The following TAGLN variants were observed in gnomAD, a reference collection of about 807,000 sequenced individuals.
The protein encoded by TAGLN is 22 kDa actin-binding protein.
Under a neutral mutation model 21.9 loss-of-function variants are expected in TAGLN, and 16 were observed. The ratio of observed to expected loss-of-function variants is 0.73; its 90% CI spans 0.49 to 1.11. The LOEUF is 1.11. Ranked by LOEUF, TAGLN falls within the 50% of genes least tolerant of loss-of-function variation. TAGLN has a pLI of 0.00. For synonymous variants in TAGLN, 96 were observed against 94.9 expected, an observed-to-expected ratio of 1.01 and a Z score of -0.06; for missense variants, 248 against 263.2, an observed-to-expected ratio of 0.94 and a Z score of 0.40.
chr11:117,203,246 G>T lies in TAGLN; in HGVS notation c.180+53G>T. On this transcript the variant is annotated intron_variant, in intron 2 of 4. Coordinates refer to ENST00000392951, the MANE Select transcript of TAGLN (RefSeq NM_003186.5). The surrounding 1 kb of genome is among the most constrained non-coding windows in gnomAD (Gnocchi z 4.4). ...GGGGGGCTGGGGTGTGCCACCCTGT[G>T]AGTCCTGGGCCAATCCCTGAGCTGA... 1 of 1,599,274 alleles carries T rather than the reference G, an allele frequency of 6.3e-7. No homozygotes were observed. Among genetic ancestry groups the T allele is most frequent in the Non-Finnish European group, 8.6e-7 (1 of 1,168,876 alleles).
rs993230430 is a variant in TAGLN at position 117,202,912 on chromosome 11, GCA to G, written c.-12-87_-12-86del. Reference sequence around the variant, plus strand: ...AGTGTCTAGGATGGCCGGGTATCCTGCACAGAGCTAGAAGGCTGCCTGGCACG... The same window carrying G: ...AGTGTCTAGGATGGCCGGGTATCCTGCAGAGCTAGAAGGCTGCCTGGCACG... On this transcript the variant is annotated intron_variant, in intron 1 of 4. Transcript: ENST00000392951. The G allele has an allele frequency of 2.4e-6, 3 of 1,270,082 alleles. No individual in the cohort carries two copies. In the African/African-American group the frequency reaches 4.5e-5, roughly 19 times the overall value. 78.7% of individuals were successfully genotyped at this position (1,270,082 alleles called of 1,614,324 possible). A position where few individuals can be genotyped will look rare whatever the true frequency, so the allele number is the denominator to read the frequency against.
chr11:117,204,331 A>G lies in TAGLN; in HGVS notation c.578A>G (p.Tyr193Cys). 1.2e-6 allele frequency: 2 copies of G among 1,614,246 alleles called. No homozygotes were observed. The highest frequency in any genetic ancestry group is 2.2e-5 in the East Asian group (1 of 44,880). ...RGASQAGMTG[Y>C]GRPRQIIS The stretch of plus-strand genomic sequence containing the variant: ...GCCTCCCAGGCCGGCATGACAGGCT[A>G]CGGACGACCTCGGCAGATCATCAGT... Residue 193 changes from tyrosine (Y) to cysteine (C), a missense_variant, in exon 5 of 5, where the codon TAC (tyrosine) becomes TGC (cysteine). By Grantham distance (194) the Tyr-to-Cys change is radical. Transcript: ENST00000392951.
In TAGLN at chr11:117,203,632, C is replaced by T. The variant is rs746084466; in HGVS notation, c.358+148C>T. ...TATGCCGAGAATAACACGCCACGCT[C>T]ACAGGGCCCACTGAGAGGCCTCCCT... On this transcript the variant is annotated intron_variant, in intron 3 of 4. Transcript: ENST00000392951. This position sits in a 1 kb window ranked among gnomAD's most constrained non-coding sequence, Gnocchi z 4.4. 8.9e-6 allele frequency: 11 copies of T among 1,240,570 alleles called. No homozygotes were observed. Among genetic ancestry groups the T allele is most frequent in the African/African-American group, 6.0e-5 (4 of 66,940 alleles). 76.8% of individuals were successfully genotyped at this position (1,240,570 alleles called of 1,614,324 possible). A position where few individuals can be genotyped will look rare whatever the true frequency, so the allele number is the denominator to read the frequency against.
chr11:117,204,295 G>A lies in TAGLN; in HGVS notation c.542G>A (p.Ser181Asn), dbSNP rs754841045. ...GKHVIGLQMG[S>N]NRGASQAGMT... ...CATGTCATTGGCCTTCAGATGGGCA[G>A]CAACAGAGGGGCCTCCCAGGCCGGC... Residue 181 changes from serine to asparagine, a missense_variant, in exon 5 of 5, where the codon AGC becomes AAC. By Grantham distance (46) the Ser-to-Asn change is conservative (BLOSUM62 1). Coordinates refer to ENST00000392951, the MANE Select transcript of TAGLN (RefSeq NM_003186.5). 6 of 1,614,146 alleles carry A rather than the reference G, an allele frequency of 3.7e-6. No individual in the cohort carries two copies. The highest frequency in any genetic ancestry group is 5.1e-6 in the Non-Finnish European group (6 of 1,180,052).
In TAGLN at chr11:117,203,002, C is replaced by T; in HGVS notation, c.-12C>T. On this transcript the variant is annotated splice_region_variant and 5_prime_UTR_variant, in exon 2 of 5. Transcript: ENST00000392951. This position sits in a 1 kb window ranked among gnomAD's most constrained non-coding sequence, Gnocchi z 4.4. ...CCTCCTCCACCCTGGCCTGCTTTAG[C>T]TTTCCCCAGACATGGCCAACAAGGG... 6.5e-7 allele frequency: 1 copy of T among 1,545,990 alleles called. No homozygotes were observed. Among genetic ancestry groups the T allele is most frequent in the Non-Finnish European group, 8.7e-7 (1 of 1,145,248 alleles).
chr11:117,200,971 G>A lies in TAGLN; in HGVS notation c.-13+1539G>A, dbSNP rs538006235. On this transcript the variant is annotated intron_variant, in intron 1 of 4. Transcript: ENST00000392951. ...ATGGTGGTGCAAAGGCTGAGACAGA[G>A]GCTGGGGTGGATGGAAGCCAGGATG... 2.6e-5 allele frequency among the ~76,000 whole-genome samples: 4 copies of A among 152,268 alleles called. No individual in the cohort carries two copies. In the South Asian group the frequency reaches 8.3e-4, roughly 32 times the overall value.
chr11:117,205,620 T>C lies in TAGLN; in HGVS notation c.*1261T>C, dbSNP rs78301905. ...CCAAGTGACCCCAGTGATGTTTCCA[T>C]TGAGATGCGCTCCTGGCTATGGCAG... On this transcript the variant is annotated 3_prime_UTR_variant, in exon 5 of 5. Transcript: ENST00000392951. The C allele has an allele frequency of 0.026, 6,347 of 248,036 alleles. 122 individuals carry two copies. Among genetic ancestry groups the C allele is most frequent in the South Asian group, 0.095 (540 of 5,706 alleles). 15.4% of individuals were successfully genotyped at this position (248,036 alleles called of 1,614,324 possible). A position where few individuals can be genotyped will look rare whatever the true frequency, so the allele number is the denominator to read the frequency against.
rs748255025 is a variant in TAGLN, at chr11:117,203,319, CTGG to C, written c.196_198del (p.Val66del). ...CTATGCCTGGTAGATTCTGAGCAAGCTGGTGAACAGCCTGTACCCTGATGGCTC... is the reference window on the plus strand; with the variant it reads ...CTATGCCTGGTAGATTCTGAGCAAGCTGAACAGCCTGTACCCTGATGGCTC... On this transcript the variant is annotated inframe_deletion, in exon 3 of 5. Coordinates refer to ENST00000392951, the MANE Select transcript of TAGLN (RefSeq NM_003186.5). This position sits in a 1 kb window ranked among gnomAD's most constrained non-coding sequence, Gnocchi z 4.4. 1 of 1,614,168 alleles carries C rather than the reference CTGG, an allele frequency of 6.2e-7. No individual in the cohort carries two copies. The highest frequency in any genetic ancestry group is 1.1e-5 in the South Asian group (1 of 91,082).
At position 117,206,050 on chromosome 11, in the gene TAGLN, A is replaced by G. The variant is rs1172535668; in HGVS notation, c.*1691A>G. 1 of 1,368,434 alleles carries G rather than the reference A, an allele frequency of 7.3e-7. No homozygotes were observed. The allele number at this position is 1,368,434 out of a possible 1,614,324, so 84.8% of individuals were successfully genotyped here. On this transcript the variant is annotated 3_prime_UTR_variant, in exon 5 of 5. Coordinates refer to ENST00000392951, the MANE Select transcript of TAGLN (RefSeq NM_003186.5). ...GGTACGTCTAGGTGCTGATGAGGGC[A>G]GTCCAGGGCGCTCTTGTTCTGGGAC...
Position 117,206,972 on chromosome 11 carries a change from T to C in TAGLN, c.*2613T>C. 3 of 1,436,328 alleles carry C rather than the reference T, an allele frequency of 2.1e-6. No individual in the cohort carries two copies. The highest frequency in any genetic ancestry group is 2.9e-6 in the Non-Finnish European group (3 of 1,024,366). 89.0% of individuals were successfully genotyped at this position (1,436,328 alleles called of 1,614,324 possible). ...CCATCTACCGGCTTGACGCTGGAACTGGGAAGCACAGCTGGGGTTCAGAGG... is the reference window on the plus strand; with the variant it reads ...CCATCTACCGGCTTGACGCTGGAACCGGGAAGCACAGCTGGGGTTCAGAGG... On this transcript the variant is annotated 3_prime_UTR_variant, in exon 5 of 5. Transcript: ENST00000392951.
In TAGLN at chr11:117,204,265, G is replaced by C; in HGVS notation, c.512G>C (p.Gly171Ala). ...REFTESQLQE[G>A]KHVIGLQMGS... ...TTCACAGAGAGCCAGCTGCAGGAGG[G>C]AAAGCATGTCATTGGCCTTCAGATG... is the stretch of plus-strand genomic sequence containing the variant. Residue 171 changes from glycine (G) to alanine (A), a missense_variant, in exon 5 of 5, where the codon GGA (glycine) becomes GCA (alanine). Physicochemically the swap from Gly to Ala is moderately conservative, Grantham distance 60. Transcript: ENST00000392951. The C allele has an allele frequency of 6.2e-7, 1 of 1,614,252 alleles. No individual in the cohort carries two copies. The highest frequency in any genetic ancestry group is 8.5e-7 in the Non-Finnish European group (1 of 1,180,044).
Position 117,203,638 on chromosome 11 carries a change from G to T in TAGLN, c.359-144G>T, listed in dbSNP as rs559775983. ...GAGAATAACACGCCACGCTCACAGG[G>T]CCCACTGAGAGGCCTCCCTTGAATT... On this transcript the variant is annotated intron_variant, in intron 3 of 4. Transcript: ENST00000392951. This position sits in a 1 kb window ranked among gnomAD's most constrained non-coding sequence, Gnocchi z 4.4. The T allele has an allele frequency of 7.0e-5, 88 of 1,248,936 alleles. No individual in the cohort carries two copies. Among genetic ancestry groups the T allele is most frequent in the Non-Finnish European group, 9.4e-5 (84 of 892,922 alleles). 77.4% of individuals were successfully genotyped at this position (1,248,936 alleles called of 1,614,324 possible). A position where few individuals can be genotyped will look rare whatever the true frequency, so the allele number is the denominator to read the frequency against.
Position 117,205,578 on chromosome 11 carries a change from A to C in TAGLN, c.*1219A>C. Reference sequence around the variant, plus strand: ...TGTCCAGGGGCTCCTCCCAGCCTCTACCCCGAAGTCCTCTTCCCAAGTGAC... The same window carrying C: ...TGTCCAGGGGCTCCTCCCAGCCTCTCCCCCGAAGTCCTCTTCCCAAGTGAC... On this transcript the variant is annotated 3_prime_UTR_variant, in exon 5 of 5. Transcript: ENST00000392951. The C allele has an allele frequency of 4.2e-6, 1 of 238,798 alleles. No individual in the cohort carries two copies. The highest frequency in any genetic ancestry group is 6.0e-5 in the East Asian group (1 of 16,652). 14.8% of individuals were successfully genotyped at this position (238,798 alleles called of 1,614,324 possible).
In TAGLN at chr11:117,203,467, CTG is replaced by C; in HGVS notation, c.343_344del (p.Val115Ter). 1 of 1,614,080 alleles carries C rather than the reference CTG, an allele frequency of 6.2e-7. No individual in the cohort carries two copies. The highest frequency in any genetic ancestry group is 8.5e-7 in the Non-Finnish European group (1 of 1,179,952). Reference sequence around the variant, plus strand: ...GTCATCAAGACTGACATGTTCCAGACTGTTGACCTCTTTGAAGGTAGAGAGGA... The same window carrying C: ...GTCATCAAGACTGACATGTTCCAGACTTGACCTCTTTGAAGGTAGAGAGGA... On this transcript the variant is annotated frameshift_variant, in exon 3 of 5. Transcript: ENST00000392951. LOFTEE classifies it high-confidence loss of function. The surrounding 1 kb of genome is among the most constrained non-coding windows in gnomAD (Gnocchi z 4.4).
chr11:117,202,900 G>C, intron 1 of TAGLN, 102 bp from the exon 2 acceptor site: 12 of 1,095,712 alleles, frequency 1.1e-5, no homozygotes, highest in Non-Finnish European at 1.5e-5. Flanking sequence ...GTCTAGGATG[G>C]CCGGGTATCC....
chr11:117,200,024 A>T (rs2170317), intron 1 of TAGLN, among the ~76,000 whole-genome samples: 1 of 150,442 alleles, frequency 6.6e-6, no homozygotes, highest in African/African-American at 2.4e-5. Flanking sequence ...TGACAGTGGG[A>T]GGTCACCCCC....
Position 117,205,138 on chromosome 11 carries a change from A to G in TAGLN, c.*779A>G, listed in dbSNP as rs2031291967. ...AAATTCAAGAAAATGTTGCTGTGAA[A>G]AGAGAAAAACAAATCTTAAGCATTA... is the stretch of plus-strand genomic sequence containing the variant. On this transcript the variant is annotated 3_prime_UTR_variant, in exon 5 of 5. Coordinates refer to ENST00000392951, the MANE Select transcript of TAGLN (RefSeq NM_003186.5). The G allele has an allele frequency of 8.6e-6, 2 of 231,828 alleles. No individual in the cohort carries two copies. Among genetic ancestry groups the G allele is most frequent in the Non-Finnish European group, 1.7e-5 (2 of 116,984 alleles). 14.4% of individuals were successfully genotyped at this position (231,828 alleles called of 1,614,324 possible).
intron 4 of TAGLN, 58 bp from the exon 5 acceptor site, chr11:117,204,157 A>G (rs2031229172): frequency 6.2e-7 from 1 of 1,608,518 alleles, no homozygotes; most frequent in South Asian, 1.1e-5. Flanking sequence ...AGGGATCAGA[A>G]AACGGGTGGA....
At chr11:117,200,051 G>C (rs918125328) in intron 1 of TAGLN, among the ~76,000 whole-genome samples, 5 of 151,840 alleles carry the variant, frequency 3.3e-5, no homozygotes, top group Middle Eastern at 3.4e-3. Context: ...GCAGAGGGGT[G>C]GGGGGCGGGT....
Sources: allele counts gnomAD v4.1 joint callset (sites outside exome capture counted in the v4.1 genomes callset), GRCh38; gene constraint gnomAD v4.1.1; non-coding constraint Gnocchi (gnomAD v3.1); transcripts MANE v1.5; gene names NCBI Gene and HGNC (gene_info 2026-07-23, HGNC 2026-07-21).